RANBP17: variants seen among roughly 807,000 people sequenced by gnomAD.
RANBP17 encodes the protein RAN binding protein 17.
In RANBP17, 158 loss-of-function variants were observed where a neutral mutation model predicts 141.2. The ratio of observed to expected loss-of-function variants is 1.12; its 90% CI spans 0.98 to 1.28. The LOEUF (loss-of-function observed/expected upper bound fraction) is 1.28, where lower values mean the gene tolerates loss of function less well. Ranked by LOEUF, RANBP17 falls within the 50% of genes most tolerant of loss-of-function variation. The pLI is 0.00. For synonymous variants in RANBP17, 430 were observed against 450.0 expected, an observed-to-expected ratio of 0.96 and a Z score of 0.56; for missense variants, 1,438 against 1,290.7, an observed-to-expected ratio of 1.11 and a Z score of -1.75.
At chr5:171,024,133 T>G (rs1212646554) in intron 14 of RANBP17, among the ~76,000 whole-genome samples, 1 of 152,178 alleles carries the variant, frequency 6.6e-6, no homozygotes, top group East Asian at 1.9e-4. Flanking sequence ...AAATTTGCAT[T>G]CCATTGGAAT....
At chr5:171,176,585 A>T (rs1002748783) in intron 16 of RANBP17, among the ~76,000 whole-genome samples, 11 of 152,158 alleles carry the variant, frequency 7.2e-5, no homozygotes, top group African/African-American at 2.7e-4. Context: ...CAAAGAGCTT[A>T]AAGTCAGTTG....
intron 5 of RANBP17, among the ~76,000 whole-genome samples, chr5:170,898,305 G>A (rs182680895): frequency 2.0e-5 from 3 of 152,088 alleles, no homozygotes; most frequent in Non-Finnish European, 2.9e-5. Flanking sequence ...TTTTTCATAC[G>A]GTTGTTGGCC....
intron 16 of RANBP17, among the ~76,000 whole-genome samples, chr5:171,172,342 A>C (rs770205251): frequency 9.9e-5 from 15 of 151,972 alleles, no homozygotes; most frequent in Non-Finnish European, 1.9e-4. Flanking sequence ...GCTATTTATC[A>C]CTACAAATTT....
chr5:171,145,239 C>G (rs1757958114), intron 14 of RANBP17, among the ~76,000 whole-genome samples: 2 of 152,132 alleles, frequency 1.3e-5, no homozygotes, highest in South Asian at 2.1e-4. Context: ...AAGCCCCAAA[C>G]AGTTGGTCTT....
At chr5:171,238,430 T>C (rs796662050) in intron 22 of RANBP17, among the ~76,000 whole-genome samples, 8 of 152,338 alleles carry the variant, frequency 5.3e-5, no homozygotes, top group Middle Eastern at 3.4e-3. Context: ...AGATTTTTTT[T>C]CCCAATCAGG....
At chr5:170,993,152 C>T (rs1401170350) in intron 14 of RANBP17, among the ~76,000 whole-genome samples, 2 of 151,978 alleles carry the variant, frequency 1.3e-5, no homozygotes, top group Non-Finnish European at 2.9e-5. Context: ...GCCACTTGTC[C>T]ATTATATGTT....
At chr5:171,277,471 C>G (rs564637236) in intron 25 of RANBP17, among the ~76,000 whole-genome samples, 2 of 150,844 alleles carry the variant, frequency 1.3e-5, no homozygotes, top group African/African-American at 4.9e-5. Flanking sequence ...GTAACAGAAG[C>G]CTTATTTCCT....
chr5:171,244,140 C>G (rs1765061286), intron 24 of RANBP17, among the ~76,000 whole-genome samples: 2 of 151,902 alleles, frequency 1.3e-5, no homozygotes, highest in South Asian at 4.1e-4. Flanking sequence ...GCCTGTAATT[C>G]TAGCATTTGG....
chr5:170,893,427 T>G (rs923947601), intron 4 of RANBP17, among the ~76,000 whole-genome samples: 2 of 152,128 alleles, frequency 1.3e-5, no homozygotes, highest in African/African-American at 2.4e-5. Context: ...TTTGAAGATA[T>G]ATGTATATAT....
At chr5:171,088,233 T>G (rs1410382425) in intron 14 of RANBP17, among the ~76,000 whole-genome samples, 1 of 152,016 alleles carries the variant, frequency 6.6e-6, no homozygotes, top group African/African-American at 2.4e-5. Flanking sequence ...AAGCTTAGTT[T>G]GGCTGGATAT....
Position 170,911,043 on chromosome 5 carries a change from T to G in RANBP17, c.669T>G (p.Leu223=). The G allele has an allele frequency of 6.2e-7, 1 of 1,612,286 alleles. No homozygotes were observed. The highest frequency in any genetic ancestry group is 1.1e-5 in the South Asian group (1 of 91,018). ...TAATGCAGGTCTTGAAACTGGTCCT[T>G]AACTGCCTTAACTTTGACTTCATTG... ...NLVMQVLKLV[L]NCLNFDFIGS... is the part of the protein sequence containing the mutation. Residue 223 remains leucine, a synonymous_variant, in exon 7 of 28, where the codon CTT becomes CTG. Transcript: ENST00000523189.
At chr5:171,021,614 T>C (rs1174476774) in intron 14 of RANBP17, among the ~76,000 whole-genome samples, 1 of 152,248 alleles carries the variant, frequency 6.6e-6, no homozygotes, top group Non-Finnish European at 1.5e-5. Context: ...GTTATTCAGC[T>C]CCATCAGGTC....
chr5:171,043,246 C>T (rs1038288468), intron 14 of RANBP17, among the ~76,000 whole-genome samples: 2 of 151,940 alleles, frequency 1.3e-5, no homozygotes, highest in Non-Finnish European at 2.9e-5. Flanking sequence ...CCGAAGATTC[C>T]AGGAACATAC....
At chr5:171,224,316 G>C (rs1185953034) in intron 22 of RANBP17, among the ~76,000 whole-genome samples, 1 of 152,194 alleles carries the variant, frequency 6.6e-6, no homozygotes, top group East Asian at 1.9e-4. Flanking sequence ...TTAGATTCCT[G>C]TTACCAGTCA....
chr5:171,121,376 G>C (rs998927405), intron 14 of RANBP17, among the ~76,000 whole-genome samples: 2 of 152,226 alleles, frequency 1.3e-5, no homozygotes, highest in African/African-American at 4.8e-5. Flanking sequence ...TGCCAGACAG[G>C]GTTGTATCTT....
chr5:171,120,037 C>CAAA lies in RANBP17; in HGVS notation c.1711-50075_1711-50073dup, dbSNP rs34991479. Among the ~76,000 whole-genome samples the CAAA allele has an allele frequency of 3.8e-4, 38 of 101,030 alleles. No homozygotes were observed. The South Asian group carries it at 8.7e-3, about 23-fold the overall frequency. 66.3% of individuals were successfully genotyped at this position (101,030 alleles called of 152,430 possible). A position where few individuals can be genotyped will look rare whatever the true frequency, so the allele number is the denominator to read the frequency against. ...GGGCAACAAGAGCGAAACTTAGTCT[C>CAAA]AAAAAAAAAAAAAAAAAAAATGAGA... On this transcript the variant is annotated intron_variant, in intron 14 of 27. Coordinates refer to ENST00000523189, the MANE Select transcript of RANBP17 (RefSeq NM_022897.5).
At chr5:171,122,737 G>C (rs1208756566) in intron 14 of RANBP17, among the ~76,000 whole-genome samples, 3 of 152,194 alleles carry the variant, frequency 2.0e-5, no homozygotes, top group Admixed American at 2.0e-4. Flanking sequence ...CCACGCAGTG[G>C]CATTGTTCTA....
chr5:171,071,524 G>A (rs981069579), intron 14 of RANBP17, among the ~76,000 whole-genome samples: 1 of 151,890 alleles, frequency 6.6e-6, no homozygotes, highest in African/African-American at 2.4e-5. Context: ...CAGTGAGACA[G>A]AATAGAGAGC....
intron 21 of RANBP17, among the ~76,000 whole-genome samples, chr5:171,215,125 A>T (rs999058789): frequency 1.3e-5 from 2 of 151,838 alleles, no homozygotes; most frequent in African/African-American, 4.8e-5. Context: ...TCATTGTTCA[A>T]CTACCACTTA....
Sources: gnomAD v4.1 joint callset for allele counts (sites outside exome capture counted in the v4.1 genomes callset) on GRCh38, gnomAD v4.1.1 for gene constraint, MANE v1.5 for transcripts, NCBI Gene and HGNC (gene_info 2026-07-23, HGNC 2026-07-21) for gene names.